The following GOSR2 variants were observed in gnomAD, a reference collection of about 807,000 sequenced individuals.
GOSR2 encodes golgi SNAP receptor complex member 2, also known as 27 kDa Golgi SNARE protein.
Under a neutral mutation model 27.9 loss-of-function variants are expected in GOSR2, and 20 were observed. That is an observed-to-expected ratio of 0.72 (90% CI 0.50 to 1.04). GOSR2 has a LOEUF of 1.04. Ranked by LOEUF, GOSR2 falls within the 50% of genes least tolerant of loss-of-function variation. The pLI, the probability that GOSR2 is intolerant of heterozygous loss-of-function variation, is 0.00. For synonymous variants in GOSR2, 91 were observed against 98.8 expected, an observed-to-expected ratio of 0.92 and a Z score of 0.47; for missense variants, 261 against 270.5, an observed-to-expected ratio of 0.97 and a Z score of 0.25.
chr17:46,932,279 G>C (rs1467779720), intron 4 of GOSR2, 80 bp downstream of exon 4: 1 of 1,540,110 alleles, frequency 6.5e-7, no homozygotes, highest in East Asian at 2.2e-5. Context: ...AGCGCCATCT[G>C]TTTTGGGGGT....
intron 6 of GOSR2, among the ~76,000 whole-genome samples, chr17:46,957,477 G>C (rs892331068): frequency 6.6e-6 from 1 of 152,152 alleles, no homozygotes; most frequent in Non-Finnish European, 1.5e-5. Flanking sequence ...GCCAGGTGTG[G>C]TGGTGGGTGC....
At chr17:46,967,162 A>C (rs990653383), downstream of GOSR2, among the ~76,000 whole-genome samples, 4 of 152,236 alleles carry the variant, frequency 2.6e-5, no homozygotes, top group African/African-American at 9.6e-5. Context: ...AACAGGATGC[A>C]GAGCGAGGCA....
chr17:46,943,277 C>G (rs1265722040), downstream of GOSR2, among the ~76,000 whole-genome samples: 2 of 152,124 alleles, frequency 1.3e-5, no homozygotes, highest in Non-Finnish European at 2.9e-5. Context: ...ATTGGGTGCC[C>G]CTCATTAACT....
At chr17:46,932,820 C>T (rs1307240617) in intron 4 of GOSR2, 1 of 157,378 alleles carries the variant, frequency 6.4e-6, no homozygotes, top group African/African-American at 2.4e-5. Flanking sequence ...AACATACTGG[C>T]CTTTTCTGTG....
downstream of GOSR2, among the ~76,000 whole-genome samples, chr17:46,943,946 G>T (rs2089598495): frequency 6.6e-6 from 1 of 152,098 alleles, no homozygotes; most frequent in Non-Finnish European, 1.5e-5. Context: ...GCTAGGACAG[G>T]CGTGACTAAT....
chr17:46,938,733 G>A lies in GOSR2; in HGVS notation c.612G>A (p.Met204Ile). The A allele has an allele frequency of 5.6e-6, 9 of 1,614,024 alleles. No homozygotes were observed. The highest frequency in any genetic ancestry group is 6.8e-6 in the Non-Finnish European group (8 of 1,179,944). ...IGGMLLTCVV[M>I]FLVVQYLT ...GGATGCTGCTGACCTGTGTGGTCAT[G>A]TTCCTCGTGGTGCAGTACCTGACAT... Residue 204 changes from methionine to isoleucine, a missense_variant, in exon 6 of 6, where the codon ATG (methionine) becomes ATA (isoleucine). Coordinates refer to ENST00000640051, the MANE Select transcript of GOSR2 (RefSeq NM_004287.5).
downstream of GOSR2, among the ~76,000 whole-genome samples, chr17:46,967,659 G>A (rs1477807696): frequency 6.6e-5 from 10 of 152,114 alleles, no homozygotes; most frequent in East Asian, 3.8e-4. Flanking sequence ...GAAATGGGCC[G>A]GTGCAGAGGG....
In GOSR2 at chr17:46,950,904, G is replaced by A. The variant is rs140547551; in HGVS notation, c.583+12200G>A. On this transcript the variant is annotated intron_variant, in intron 6 of 6. Transcript: ENST00000573224. ...ATGACTTGCCAAGGGTGACCCAGTC[G>A]GTGATGAGAGATCTGGAGTCAGAGG... 2.4e-3 allele frequency among the ~76,000 whole-genome samples: 358 copies of A among 152,272 alleles called. 1 individual carries two copies. Among genetic ancestry groups the A allele is most frequent in the Middle Eastern group, 3.4e-3 (1 of 294 alleles).
chr17:46,942,786 G>C (rs1210647117), downstream of GOSR2, among the ~76,000 whole-genome samples: 1 of 152,220 alleles, frequency 6.6e-6, no homozygotes. Flanking sequence ...AGCTGAGAAA[G>C]GAAAGTGTCA....
downstream of GOSR2, among the ~76,000 whole-genome samples, chr17:46,968,181 C>G (rs995906638): frequency 4.6e-5 from 7 of 152,156 alleles, no homozygotes; most frequent in African/African-American, 1.7e-4. Flanking sequence ...CAGTCAGGCA[C>G]TCAGTGAATA....
At chr17:46,954,391 C>G (rs1437742109) in intron 6 of GOSR2, among the ~76,000 whole-genome samples, 1 of 152,124 alleles carries the variant, frequency 6.6e-6, no homozygotes, top group African/African-American at 2.4e-5. Flanking sequence ...TTCCATTGGT[C>G]TATATCTCTG....
At position 46,941,555 on chromosome 17, in the gene GOSR2, T is replaced by G; in HGVS notation, c.*2795T>G. The G allele has an allele frequency of 3.5e-6, 1 of 285,974 alleles. No individual in the cohort carries two copies. The highest frequency in any genetic ancestry group is 5.2e-6 in the Non-Finnish European group (1 of 190,510). 17.7% of individuals were successfully genotyped at this position (285,974 alleles called of 1,614,324 possible). On this transcript the variant is annotated 3_prime_UTR_variant, in exon 6 of 6. Coordinates refer to ENST00000640051, the MANE Select transcript of GOSR2 (RefSeq NM_004287.5). ...CCCCAGATCTGAATTAGAACCTTTT[T>G]TAAATCTCTAAGGTGATTTTATTTT...
chr17:46,966,522 T>G, intron 6 of GOSR2: 1 of 689,646 alleles, frequency 1.5e-6, no homozygotes, highest in Non-Finnish European at 2.6e-6. Context: ...TAATTTTTTG[T>G]ATTTTTTGCA....
chr17:46,933,430 C>T (rs912328640), intron 4 of GOSR2: 1 of 152,198 alleles, frequency 6.6e-6, no homozygotes, highest in South Asian at 2.1e-4. Flanking sequence ...CTGAGTCTTT[C>T]AAACGCCAGC....
At chr17:46,968,615 G>T (rs2091360159), downstream of GOSR2, 1 of 152,476 alleles carries the variant, frequency 6.6e-6, no homozygotes, top group Non-Finnish European at 1.5e-5. Flanking sequence ...GTGACTCAGA[G>T]AACTTAGTTG....
exon 7 of GOSR2, chr17:46,966,536 A>G: frequency 1.4e-6 from 1 of 692,940 alleles, no homozygotes; most frequent in Admixed American, 2.0e-5. Flanking sequence ...TTTTGCAGAG[A>G]CAAGGTCTCA....
intron 6 of GOSR2, among the ~76,000 whole-genome samples, chr17:46,973,706 A>G (rs1304949131): frequency 6.6e-6 from 1 of 152,124 alleles, no homozygotes; most frequent in Non-Finnish European, 1.5e-5. Flanking sequence ...ATCTGCTGTG[A>G]TCTTTATTGA....
At chr17:46,972,734 A>G (rs1441989328) in intron 6 of GOSR2, among the ~76,000 whole-genome samples, 2 of 152,218 alleles carry the variant, frequency 1.3e-5, no homozygotes, top group East Asian at 3.9e-4. Flanking sequence ...GACGCTGGCT[A>G]CCCAAAAAGA....
chr17:46,945,570 T>C (rs2147155238), downstream of GOSR2, among the ~76,000 whole-genome samples: 1 of 152,292 alleles, frequency 6.6e-6, no homozygotes, highest in South Asian at 2.1e-4. Flanking sequence ...GCATCTTTGC[T>C]GGGTGGTAAC....
Sources: gnomAD v4.1 joint callset for allele counts (sites outside exome capture counted in the v4.1 genomes callset) on GRCh38, gnomAD v4.1.1 for gene constraint, MANE v1.5 for transcripts, NCBI Gene and HGNC (gene_info 2026-07-23, HGNC 2026-07-21) for gene names.